CCSER1: variants seen among roughly 807,000 people sequenced by gnomAD.
CCSER1 encodes coiled-coil serine rich protein 1, also known as serine-rich coiled-coil domain-containing protein 1.
Under a neutral mutation model 82.0 loss-of-function variants are expected in CCSER1, and 41 were observed. That is an observed-to-expected ratio of 0.50 (90% confidence interval 0.39 to 0.65). The LOEUF is 0.65. Among genes scored for constraint, CCSER1 ranks in the 30% least tolerant of loss-of-function variants. CCSER1 has a pLI of 0.00. For synonymous variants in CCSER1, 414 were observed against 383.9 expected (o/e 1.08, Z -0.92); for missense variants, 1,119 against 1,064.2 (o/e 1.05, Z -0.72).
chr4:91,028,014 G>C (rs41496251), intron 9 of CCSER1, among the ~76,000 whole-genome samples: 2,866 of 152,054 alleles, frequency 0.019, 66 homozygotes, highest in African/African-American at 0.061. Context: ...GGGGGTAAGA[G>C]AAACTACAAT....
chr4:91,288,165 TACAC>T (rs933143179), intron 10 of CCSER1, among the ~76,000 whole-genome samples: 55 of 121,868 alleles, frequency 4.5e-4, no homozygotes, highest in East Asian at 1.3e-3. Flanking sequence ...TATATATACA[TACAC>T]ACACACATAT....
intron 8 of CCSER1, among the ~76,000 whole-genome samples, chr4:90,920,953 A>G (rs191304202): frequency 6.6e-6 from 1 of 151,376 alleles, no homozygotes; most frequent in East Asian, 1.9e-4. Context: ...TGAAACTGAA[A>G]ATACATGATG....
chr4:90,440,524 A>G (rs368687674), intron 4 of CCSER1, among the ~76,000 whole-genome samples: 3 of 152,222 alleles, frequency 2.0e-5, no homozygotes, highest in Non-Finnish European at 4.4e-5. Context: ...ATCCTTGGCT[A>G]CAAGAATCAA....
chr4:91,234,388 A>G (rs1486189882), intron 10 of CCSER1, among the ~76,000 whole-genome samples: 3 of 152,102 alleles, frequency 2.0e-5, no homozygotes, highest in East Asian at 1.9e-4. Context: ...AGATGTTTCA[A>G]TTAAAATAAA....
At chr4:90,292,132 T>C (rs1731049683) in intron 1 of CCSER1, among the ~76,000 whole-genome samples, 1 of 151,962 alleles carries the variant, frequency 6.6e-6, no homozygotes. Flanking sequence ...AGACATACTT[T>C]GACTGTCTTT....
intron 8 of CCSER1, among the ~76,000 whole-genome samples, chr4:90,899,532 T>A (rs1278692829): frequency 6.6e-6 from 1 of 152,064 alleles, no homozygotes; most frequent in Admixed American, 6.6e-5. Flanking sequence ...TTGTTCTAGG[T>A]CTTAGAAAGA....
rs757719986 is a variant in CCSER1 at position 91,601,115 on chromosome 4, G to A, written c.*2058G>A. 16 of 152,036 alleles carry A rather than the reference G, an allele frequency of 1.1e-4. No individual in the cohort carries two copies. Among genetic ancestry groups the A allele is most frequent in the Non-Finnish European group, 2.4e-4 (16 of 67,982 alleles). The allele number at this position is 152,036 out of a possible 1,614,324, so 9.4% of individuals were successfully genotyped here. ...TTTTCCCAGGATATGGAAGAACTAT[G>A]TATCACAAATAATGTTTTTGATTTG... On this transcript the variant is annotated 3_prime_UTR_variant, in exon 11 of 11. Coordinates refer to ENST00000509176, the MANE Select transcript of CCSER1 (RefSeq NM_001145065.2).
intron 10 of CCSER1, among the ~76,000 whole-genome samples, chr4:91,451,086 CAA>C (rs142470772): frequency 0.63 from 95,871 of 151,112 alleles, 31,041 homozygotes; most frequent in East Asian, 0.88. Context: ...TTTTCTAGTT[CAA>C]AGATGGTACC....
chr4:91,218,917 G>C (rs1240870340), intron 10 of CCSER1, among the ~76,000 whole-genome samples: 1 of 152,068 alleles, frequency 6.6e-6, no homozygotes, highest in Non-Finnish European at 1.5e-5. Context: ...CACTAAATAC[G>C]ATACAAACCT....
At chr4:90,661,108 T>C (rs191393648) in intron 6 of CCSER1, among the ~76,000 whole-genome samples, 13 of 152,310 alleles carry the variant, frequency 8.5e-5, no homozygotes, top group Non-Finnish European at 1.9e-4. Flanking sequence ...TGAAATTCAT[T>C]CATATTATGC....
At chr4:90,689,153 G>A (rs1402988189) in intron 6 of CCSER1, among the ~76,000 whole-genome samples, 1 of 152,108 alleles carries the variant, frequency 6.6e-6, no homozygotes, top group Admixed American at 6.6e-5. Flanking sequence ...TGATTTATGA[G>A]TTCAAACTTG....
At chr4:90,407,187 A>G (rs946112381) in intron 4 of CCSER1, among the ~76,000 whole-genome samples, 3 of 152,212 alleles carry the variant, frequency 2.0e-5, no homozygotes, top group African/African-American at 7.2e-5. Flanking sequence ...AGGCATTACA[A>G]CTGATACCAC....
chr4:90,281,161 G>C (rs1728775073), intron 1 of CCSER1, among the ~76,000 whole-genome samples: 1 of 152,038 alleles, frequency 6.6e-6, no homozygotes, highest in Non-Finnish European at 1.5e-5. Flanking sequence ...GGATGGAGCT[G>C]GAGGCCATTA....
chr4:91,410,618 C>G (rs1442226185), intron 10 of CCSER1, among the ~76,000 whole-genome samples: 1 of 152,052 alleles, frequency 6.6e-6, no homozygotes, highest in Non-Finnish European at 1.5e-5. Context: ...CTTAAATATT[C>G]TCTGCCTTAT....
At chr4:90,299,507 A>G (rs1041705774) in intron 1 of CCSER1, among the ~76,000 whole-genome samples, 2 of 152,056 alleles carry the variant, frequency 1.3e-5, no homozygotes, top group East Asian at 1.9e-4. Flanking sequence ...TAGGCTGACA[A>G]TCTCATTCTC....
intron 1 of CCSER1, among the ~76,000 whole-genome samples, chr4:90,150,766 A>T (rs1243422890): frequency 1.3e-5 from 2 of 152,150 alleles, no homozygotes; most frequent in African/African-American, 2.4e-5. Flanking sequence ...TATAGAAAAC[A>T]CATTTGAAGC....
chr4:90,163,430 TG>T (rs1729850463), intron 1 of CCSER1, among the ~76,000 whole-genome samples: 1 of 152,132 alleles, frequency 6.6e-6, no homozygotes, highest in African/African-American at 2.4e-5. Context: ...GAAGAAAGTA[TG>T]GGAATTTTTA....
At chr4:90,879,584 A>T (rs1449150240) in intron 8 of CCSER1, among the ~76,000 whole-genome samples, 1 of 112,166 alleles carries the variant, frequency 8.9e-6, no homozygotes, top group African/African-American at 3.4e-5. Context: ...GAAGAAGAAG[A>T]GGAGGAGGAG....
chr4:90,485,398 G>T lies in CCSER1; in HGVS notation c.1724+17044G>T, dbSNP rs1578735485. Among the ~76,000 whole-genome samples, 3 of 152,158 alleles carry T rather than the reference G, an allele frequency of 2.0e-5. No individual in the cohort carries two copies. In the South Asian group the frequency reaches 6.2e-4, roughly 32 times the overall value. ...CCCACTGTCCTGCACCCACTGTCTG[G>T]CACTCCCCCGTGAGATGAACCTGGT... On this transcript the variant is annotated intron_variant, in intron 5 of 10. Coordinates refer to ENST00000509176, the MANE Select transcript of CCSER1 (RefSeq NM_001145065.2).
Sources: gnomAD v4.1 joint callset for allele counts (sites outside exome capture counted in the v4.1 genomes callset) on GRCh38, gnomAD v4.1.1 for gene constraint, MANE v1.5 for transcripts, NCBI Gene and HGNC (gene_info 2026-07-23, HGNC 2026-07-21) for gene names.